The following AGBL4 variants were observed in gnomAD, a reference collection of about 807,000 sequenced individuals.
The protein encoded by AGBL4 is cytosolic carboxypeptidase 6.
In AGBL4, 58 loss-of-function variants were observed where a neutral mutation model predicts 66.4. That is an observed-to-expected ratio of 0.87 (90% CI 0.71 to 1.09). AGBL4 has a LOEUF of 1.09. AGBL4 is among the 50% of genes least tolerant of loss of function. AGBL4 has a pLI of 0.00. For missense variants in AGBL4, 579 were observed against 631.0 expected (o/e 0.92, Z 0.88); for synonymous variants, 234 against 222.9 (o/e 1.05, Z -0.44).
intron 3 of AGBL4, among the ~76,000 whole-genome samples, chr1:49,683,832 T>C (rs562702096): frequency 1.5e-3 from 223 of 152,272 alleles, no homozygotes; most frequent in African/African-American, 5.1e-3. Context: ...AAAATAGGAC[T>C]GCAAAAAGAG....
At chr1:49,999,543 A>G (rs1450974490) in intron 1 of AGBL4, among the ~76,000 whole-genome samples, 3 of 152,122 alleles carry the variant, frequency 2.0e-5, no homozygotes, top group Admixed American at 2.0e-4. Flanking sequence ...TCATATCAAA[A>G]TACCACCATC....
intron 1 of AGBL4, among the ~76,000 whole-genome samples, chr1:49,854,032 A>C (rs921503094): frequency 6.6e-6 from 1 of 152,104 alleles, no homozygotes; most frequent in Non-Finnish European, 1.5e-5. Flanking sequence ...GGTAAATATA[A>C]ATTTTCTTAT....
chr1:48,606,901 AT>A (rs1316607725), intron 9 of AGBL4, among the ~76,000 whole-genome samples: 1 of 152,228 alleles, frequency 6.6e-6, no homozygotes, highest in Non-Finnish European at 1.5e-5. Flanking sequence ...AGGAGGGGTC[AT>A]GCAGAGAAGG....
intron 4 of AGBL4, among the ~76,000 whole-genome samples, chr1:49,241,611 A>ATATC (rs1255226823): frequency 6.6e-6 from 1 of 152,074 alleles, no homozygotes; most frequent in Non-Finnish European, 1.5e-5. Context: ...ACTATGAAAC[A>ATATC]TATCTCTCTT....
At chr1:49,343,208 G>C (rs1338891292) in intron 3 of AGBL4, among the ~76,000 whole-genome samples, 4 of 151,994 alleles carry the variant, frequency 2.6e-5, no homozygotes, top group African/African-American at 9.7e-5. Context: ...TGACAGCATA[G>C]GACTCCTTGG....
intron 3 of AGBL4, among the ~76,000 whole-genome samples, chr1:49,505,051 T>A (rs1027303295): frequency 4.6e-5 from 7 of 152,076 alleles, no homozygotes; most frequent in Non-Finnish European, 8.8e-5. Flanking sequence ...GAGGCTTACA[T>A]AAAATGTTAT....
chr1:49,349,094 T>G (rs1395270992), intron 3 of AGBL4, among the ~76,000 whole-genome samples: 1 of 152,238 alleles, frequency 6.6e-6, no homozygotes, highest in Non-Finnish European at 1.5e-5. Flanking sequence ...TCTGAGTCCT[T>G]GCTCATGCTT....
chr1:49,723,265 A>C (rs1257011412), intron 2 of AGBL4, among the ~76,000 whole-genome samples: 1 of 152,092 alleles, frequency 6.6e-6, no homozygotes, highest in East Asian at 1.9e-4. Context: ...AGCTCTCTAT[A>C]TTAATTTTGC....
At chr1:49,345,520 C>T (rs1210000189) in intron 3 of AGBL4, among the ~76,000 whole-genome samples, 1 of 152,106 alleles carries the variant, frequency 6.6e-6, no homozygotes, top group Non-Finnish European at 1.5e-5. Context: ...AATTCCAGAT[C>T]TCCCTTGGAC....
chr1:49,502,935 G>C (rs1344295976), intron 3 of AGBL4, among the ~76,000 whole-genome samples: 2 of 152,086 alleles, frequency 1.3e-5, no homozygotes, highest in East Asian at 3.9e-4. Flanking sequence ...ATTCAAGCTG[G>C]CTGCAGAAAT....
At chr1:49,999,557 CT>C (rs1660598839) in intron 1 of AGBL4, among the ~76,000 whole-genome samples, 1 of 152,070 alleles carries the variant, frequency 6.6e-6, no homozygotes, top group Non-Finnish European at 1.5e-5. Context: ...CACCATCATT[CT>C]TCACAAAACT....
intron 3 of AGBL4, among the ~76,000 whole-genome samples, chr1:49,452,372 T>C (rs577880227): frequency 6.3e-4 from 96 of 152,070 alleles, no homozygotes; most frequent in African/African-American, 2.3e-3. Context: ...TAAAACTCTT[T>C]AATATATTCC....
chr1:49,806,558 A>G (rs189250186), intron 2 of AGBL4, among the ~76,000 whole-genome samples: 26 of 152,358 alleles, frequency 1.7e-4, no homozygotes, highest in Admixed American at 2.0e-4. Context: ...AAAAACTCTC[A>G]GCCTCTCCAA....
intron 5 of AGBL4, among the ~76,000 whole-genome samples, chr1:48,919,307 C>T (rs1311704725): frequency 6.6e-6 from 1 of 152,096 alleles, no homozygotes; most frequent in African/African-American, 2.4e-5. Flanking sequence ...CTCCATGGAC[C>T]ACAATTTGAA....
At chr1:49,593,417 AAAAT>A (rs952750407) in intron 3 of AGBL4, among the ~76,000 whole-genome samples, 2 of 152,156 alleles carry the variant, frequency 1.3e-5, no homozygotes, top group South Asian at 2.1e-4. Context: ...AAAAAAATTC[AAAAT>A]AAATAAATAA....
intron 2 of AGBL4, among the ~76,000 whole-genome samples, chr1:49,752,709 T>C (rs1010575086): frequency 6.6e-6 from 1 of 152,192 alleles, no homozygotes; most frequent in African/African-American, 2.4e-5. Flanking sequence ...TCTAAGTCTC[T>C]CTGTAGGTCT....
chr1:49,502,105 C>G (rs953216401), intron 3 of AGBL4, among the ~76,000 whole-genome samples: 4 of 152,086 alleles, frequency 2.6e-5, no homozygotes, highest in African/African-American at 9.7e-5. Flanking sequence ...GGGATGTTCT[C>G]TTTACATCTG....
At chr1:49,321,113 T>C (rs1411382486) in intron 3 of AGBL4, among the ~76,000 whole-genome samples, 1 of 152,096 alleles carries the variant, frequency 6.6e-6, no homozygotes, top group Non-Finnish European at 1.5e-5. Context: ...TAAATAATCT[T>C]ACTCACTAGT....
At chr1:49,580,020 G>A (rs960676721) in intron 3 of AGBL4, among the ~76,000 whole-genome samples, 8 of 152,060 alleles carry the variant, frequency 5.3e-5, no homozygotes, top group Non-Finnish European at 1.2e-4. Flanking sequence ...AGCTAGGGTT[G>A]TTATATTCTC....
Sources: allele counts gnomAD v4.1 joint callset (sites outside exome capture counted in the v4.1 genomes callset), GRCh38; gene constraint gnomAD v4.1.1; transcripts MANE v1.5; gene names NCBI Gene and HGNC (gene_info 2026-07-23, HGNC 2026-07-21).